Variants in SMPDL3B observed in about 807,000 individuals in gnomAD.
SMPDL3B encodes the protein sphingomyelin phosphodiesterase acid like 3B, also known as acid sphingomyelinase-like phosphodiesterase 3b.
SMPDL3B carries 31 observed loss-of-function variants against 37.9 expected under a neutral mutation model. The observed-to-expected ratio is 0.82, with a 90% CI of 0.61 to 1.10. SMPDL3B has a LOEUF of 1.10. Ranked by LOEUF, SMPDL3B falls within the 50% of genes least tolerant of loss-of-function variation. The pLI, the probability that SMPDL3B is intolerant of heterozygous loss-of-function variation, is 0.00. For missense variants in SMPDL3B, 525 were observed against 597.8 expected (o/e 0.88, Z 1.27); for synonymous variants, 235 against 242.6 (o/e 0.97, Z 0.29).
rs770804047 is a variant in SMPDL3B, at chr1:27,958,779, G to A, written c.1309G>A (p.Val437Met). ...TCLYASGTTP[V>M]PQLPLLLMAL... ...TCTGTATGCCTCTGGCACCACGCCC[G>A]TGCCCCAGCTCCCGCTGCTGCTGAT... Residue 437 changes from valine (V) to methionine (M), a missense_variant, in exon 8 of 8, where the codon GTG becomes ATG. Coordinates refer to ENST00000373894, the MANE Select transcript of SMPDL3B (RefSeq NM_014474.4). This position sits in a 1 kb window ranked among gnomAD's most constrained non-coding sequence, Gnocchi z 5.6. 4.7e-5 allele frequency: 76 copies of A among 1,609,726 alleles called. 1 individual carries two copies. Among genetic ancestry groups the A allele is most frequent in the South Asian group, 1.4e-4 (13 of 90,970 alleles).
Position 27,935,081 on chromosome 1 carries a change from T to G in SMPDL3B, c.-103T>G. On this transcript the variant is annotated 5_prime_UTR_variant, in exon 1 of 8. Transcript: ENST00000373894. ...GGAACACCTGTAACAGGACAAGGAG[T>G]TCTGCTCAGGCACGTGGCCACAGAA... 1.2e-6 allele frequency: 1 copy of G among 823,472 alleles called. No homozygotes were observed. Among genetic ancestry groups the G allele is most frequent in the South Asian group, 1.5e-5 (1 of 64,832 alleles). 51.0% of individuals were successfully genotyped at this position (823,472 alleles called of 1,614,324 possible).
chr1:27,940,546 G>T lies in SMPDL3B; in HGVS notation c.62-4686G>T, dbSNP rs577854739. ...GAGGAGGAAACGGGCCCAGGGGAAGGTTCCGCTGTTCACACAGCTATGGGG... is the reference window on the plus strand; with the variant it reads ...GAGGAGGAAACGGGCCCAGGGGAAGTTTCCGCTGTTCACACAGCTATGGGG... On this transcript the variant is annotated intron_variant, in intron 1 of 7. Transcript: ENST00000373894. Among the ~76,000 whole-genome samples, 5 of 152,210 alleles carry T rather than the reference G, an allele frequency of 3.3e-5. No homozygotes were observed. In the Middle Eastern group the frequency reaches 0.014, roughly 414 times the overall value.
intron 1 of SMPDL3B, chr1:27,942,292 T>C (rs1182890527): frequency 1.3e-5 from 6 of 460,564 alleles, no homozygotes; most frequent in South Asian, 4.7e-5. Flanking sequence ...GCAAGGACCA[T>C]GTGCCCAAGA....
intron 3 of SMPDL3B, among the ~76,000 whole-genome samples, chr1:27,951,440 G>A (rs866351868): frequency 3.3e-5 from 5 of 152,194 alleles, no homozygotes; most frequent in Admixed American, 1.3e-4. Flanking sequence ...TCCACATCAT[G>A]TGTTCTTCCT....
Position 27,956,014 on chromosome 1 carries a change from G to T in SMPDL3B, c.937G>T (p.Val313Leu), listed in dbSNP as rs769425533. 58 of 1,614,030 alleles carry T rather than the reference G, an allele frequency of 3.6e-5. No homozygotes were observed. Among genetic ancestry groups the T allele is most frequent in the Admixed American group, 1.2e-4 (7 of 60,006 alleles). ...VTPWKTTLPG[V>L]VNGANNPAIR... The stretch of plus-strand genomic sequence containing the variant: ...CCCATGGAAAACCACATTACCTGGA[G>T]TGGTCAATGGGGCCAACAATCCAGC... The change falls in exon 7 of 8, where the codon GTG becomes TTG. Residue 313 changes from valine (V) to leucine (L), a missense_variant. By Grantham distance (32) the Val-to-Leu change is conservative. Transcript: ENST00000373894.
chr1:27,956,526 T>G, intron 7 of SMPDL3B: 5 of 1,078,838 alleles, frequency 4.6e-6, no homozygotes, highest in Non-Finnish European at 5.6e-6. Context: ...GTCCACATTT[T>G]CCGTACACAG....
chr1:27,935,062 C>T lies in SMPDL3B; in HGVS notation c.-122C>T. ...CAGACGCCTTGGAGGACTTGGAACA[C>T]CTGTAACAGGACAAGGAGTTCTGCT... On this transcript the variant is annotated 5_prime_UTR_variant, in exon 1 of 8. Transcript: ENST00000373894. 1.4e-6 allele frequency: 1 copy of T among 705,260 alleles called. No homozygotes were observed. The highest frequency in any genetic ancestry group is 2.5e-6 in the Non-Finnish European group (1 of 401,976). The allele number at this position is 705,260 out of a possible 1,614,324, so 43.7% of individuals were successfully genotyped here. A position where few individuals can be genotyped will look rare whatever the true frequency, so the allele number is the denominator to read the frequency against.
intron 3 of SMPDL3B, 87 bp from the exon 4 acceptor site, chr1:27,953,128 C>T (rs112504842): frequency 1.0e-6 from 1 of 990,854 alleles, no homozygotes; most frequent in East Asian, 2.4e-5. Flanking sequence ...TCCCCTTGAG[C>T]TCTGATGGCC....
Position 27,958,404 on chromosome 1 carries a change from A to T in SMPDL3B, c.1006-72A>T. ...CACTGCTCTAAAGAACTTGGGGGCAAATGCAAGGTGCAGGATGGGGATGGA... is the reference window on the plus strand; with the variant it reads ...CACTGCTCTAAAGAACTTGGGGGCATATGCAAGGTGCAGGATGGGGATGGA... On this transcript the variant is annotated intron_variant, in intron 7 of 7. Transcript: ENST00000373894. The surrounding 1 kb of genome is among the most constrained non-coding windows in gnomAD (Gnocchi z 5.6). The T allele has an allele frequency of 6.6e-7, 1 of 1,525,058 alleles. No homozygotes were observed. The highest frequency in any genetic ancestry group is 2.0e-5 in the Admixed American group (1 of 49,544). The allele number at this position is 1,525,058 out of a possible 1,614,324, so 94.5% of individuals were successfully genotyped here.
chr1:27,943,375 A>C (rs2090376211), intron 1 of SMPDL3B, among the ~76,000 whole-genome samples: 1 of 152,188 alleles, frequency 6.6e-6, no homozygotes, highest in African/African-American at 2.4e-5. Context: ...AGGTGGGGAA[A>C]AGCTCAAGAG....
intron 1 of SMPDL3B, among the ~76,000 whole-genome samples, chr1:27,939,558 C>T (rs975915672): frequency 2.0e-5 from 3 of 152,092 alleles, no homozygotes; most frequent in African/African-American, 7.2e-5. Flanking sequence ...GTGGCTCATA[C>T]CTGTAATCCT....
At chr1:27,955,244 C>T (rs961278395) in intron 5 of SMPDL3B, among the ~76,000 whole-genome samples, 1 of 152,192 alleles carries the variant, frequency 6.6e-6, no homozygotes, top group Non-Finnish European at 1.5e-5. Context: ...CTAACTCCTG[C>T]CATGGTGGCC....
At chr1:27,955,589 A>T in intron 5 of SMPDL3B, 95 bp from the exon 6 acceptor site, 1 of 1,280,018 alleles carries the variant, frequency 7.8e-7, no homozygotes, top group Non-Finnish European at 1.1e-6. Context: ...GGGCCTGTCT[A>T]CCTGCCTTTG....
Position 27,954,654 on chromosome 1 carries a change from C to G in SMPDL3B, c.690+128C>G, listed in dbSNP as rs560419340. 6 of 803,660 alleles carry G rather than the reference C, an allele frequency of 7.5e-6. No homozygotes were observed. The Admixed American group carries it at 1.2e-4, about 16-fold the overall frequency. 49.8% of individuals were successfully genotyped at this position (803,660 alleles called of 1,614,324 possible). A position where few individuals can be genotyped will look rare whatever the true frequency, so the allele number is the denominator to read the frequency against. On this transcript the variant is annotated intron_variant, in intron 5 of 7. Coordinates refer to ENST00000373894, the MANE Select transcript of SMPDL3B (RefSeq NM_014474.4). ...AGAGGGTCCTTTATCAGCCCGGCAC[C>G]AGCAGAGGGCTTCCTCCATCCTCAC...
chr1:27,949,330 C>T (rs947796131), intron 3 of SMPDL3B, among the ~76,000 whole-genome samples, 168 bp downstream of exon 3: 1 of 152,154 alleles, frequency 6.6e-6, no homozygotes, highest in Non-Finnish European at 1.5e-5. Context: ...CTAACAAGCC[C>T]GAAGGCAACA....
At chr1:27,944,054 GT>G (rs1208772550) in intron 1 of SMPDL3B, among the ~76,000 whole-genome samples, 2 of 150,508 alleles carry the variant, frequency 1.3e-5, no homozygotes, top group African/African-American at 2.4e-5. Flanking sequence ...GCCAGGCCGT[GT>G]TGGGTTCGCA....
intron 1 of SMPDL3B, among the ~76,000 whole-genome samples, chr1:27,944,509 C>T (rs1300601063): frequency 1.3e-5 from 2 of 152,038 alleles, no homozygotes; most frequent in East Asian, 1.9e-4. Flanking sequence ...TACATGACCC[C>T]ACACCCGACG....
At chr1:27,940,763 C>T (rs1267421132) in intron 1 of SMPDL3B, among the ~76,000 whole-genome samples, 1 of 152,170 alleles carries the variant, frequency 6.6e-6, no homozygotes, top group Non-Finnish European at 1.5e-5. Flanking sequence ...TGTAGAAAGC[C>T]TCTTAACTTT....
At chr1:27,943,562 T>C (rs2090377977) in intron 1 of SMPDL3B, among the ~76,000 whole-genome samples, 1 of 152,138 alleles carries the variant, frequency 6.6e-6, no homozygotes, top group South Asian at 2.1e-4. Flanking sequence ...GACTTGTGGC[T>C]CTAGGTGACA....
Sources: allele counts gnomAD v4.1 joint callset (sites outside exome capture counted in the v4.1 genomes callset), GRCh38; gene constraint gnomAD v4.1.1; non-coding constraint Gnocchi (gnomAD v3.1); transcripts MANE v1.5; gene names NCBI Gene and HGNC (gene_info 2026-07-23, HGNC 2026-07-21).